Variants in PIEZO2 observed in about 807,000 individuals in gnomAD.
PIEZO2 encodes the protein piezo type mechanosensitive ion channel component 2.
Under a neutral mutation model 337.3 loss-of-function variants are expected in PIEZO2, and 172 were observed. That is an observed-to-expected ratio of 0.51 (90% CI 0.45 to 0.58). The LOEUF (loss-of-function observed/expected upper bound fraction) is 0.58. Ranked by LOEUF, PIEZO2 falls within the 20% of genes least tolerant of loss-of-function variation. The pLI is 0.00. For missense variants in PIEZO2, 3,028 were observed against 3,391.3 expected, an observed-to-expected ratio of 0.89 and a Z score of 2.66; for synonymous variants, 1,251 against 1,228.5, an observed-to-expected ratio of 1.02 and a Z score of -0.38.
intron 5 of PIEZO2, among the ~76,000 whole-genome samples, chr18:10,860,866 T>C (rs80173140): frequency 0.013 from 1,998 of 152,336 alleles, 48 homozygotes; most frequent in African/African-American, 0.045. Context: ...TGGGCCTTTG[T>C]GATTTTTATA....
chr18:10,675,939 C>T (rs898197108), intron 53 of PIEZO2, among the ~76,000 whole-genome samples: 1 of 152,194 alleles, frequency 6.6e-6, no homozygotes, highest in African/African-American at 2.4e-5. Flanking sequence ...CGCCTTCCAC[C>T]ATGATTGTGA....
rs28409092 is a variant in PIEZO2, at chr18:10,945,084, G to A, written c.287-33856C>T. 7.1e-3 allele frequency among the ~76,000 whole-genome samples: 1,085 copies of A among 152,282 alleles called. 14 individuals are homozygous for A. The highest frequency in any genetic ancestry group is 0.025 in the African/African-American group (1,019 of 41,560). ...GTATTAGAGAATAGATTGCAGCACA[G>A]AAGAAGGGCCCCGGAGATCTGTGAA... On this transcript the variant is annotated intron_variant, in intron 3 of 55. Coordinates refer to ENST00000674853, the MANE Select transcript of PIEZO2 (RefSeq NM_001378183.1). This position sits in a 1 kb window ranked among gnomAD's most constrained non-coding sequence, Gnocchi z 4.0.
intron 7 of PIEZO2, among the ~76,000 whole-genome samples, chr18:10,811,983 G>T (rs181320304): frequency 3.3e-5 from 5 of 152,154 alleles, no homozygotes. Context: ...ACAGGCGCCC[G>T]CCACCACGCC....
At chr18:11,133,275 G>C (rs544962264) in intron 1 of PIEZO2, among the ~76,000 whole-genome samples, 1 of 152,256 alleles carries the variant, frequency 6.6e-6, no homozygotes, top group Admixed American at 6.5e-5. Context: ...TTGGGTTGGG[G>C]ATTGGCACGT....
At position 10,715,296 on chromosome 18, in the gene PIEZO2, A is replaced by G. The variant is rs530975952; in HGVS notation, c.5256+354T>C. On this transcript the variant is annotated intron_variant, in intron 38 of 55. Coordinates refer to ENST00000674853, the MANE Select transcript of PIEZO2 (RefSeq NM_001378183.1). ...TTCCAGACTTCAGTGATCAGGTGGG[A>G]GAAAACAAACACCACTTTCTACACT... Among the ~76,000 whole-genome samples the G allele has an allele frequency of 3.1e-3, 472 of 151,394 alleles. 2 individuals are homozygous for G. Among genetic ancestry groups the G allele is most frequent in the African/African-American group, 0.011 (453 of 41,456 alleles).
chr18:10,796,698 G>T (rs1372731585), intron 12 of PIEZO2, among the ~76,000 whole-genome samples: 32 of 152,298 alleles, frequency 2.1e-4, no homozygotes, highest in Non-Finnish European at 1.5e-5. Flanking sequence ...AAGGCATTAG[G>T]GGGATCCCTA....
chr18:10,725,157 C>T (rs1406270243), intron 36 of PIEZO2: 38 of 1,476,736 alleles, frequency 2.6e-5, no homozygotes, highest in East Asian at 4.5e-5. Flanking sequence ...TGAAGTACTG[C>T]GAGGCCTCTG....
intron 4 of PIEZO2, among the ~76,000 whole-genome samples, chr18:10,909,636 A>G (rs1395407457): frequency 1.3e-5 from 2 of 152,234 alleles, no homozygotes; most frequent in Non-Finnish European, 2.9e-5. Flanking sequence ...GCCAAAATAA[A>G]TAACGTAAGT....
At chr18:10,977,140 T>G (rs2034476120) in intron 3 of PIEZO2, among the ~76,000 whole-genome samples, 1 of 151,976 alleles carries the variant, frequency 6.6e-6, no homozygotes, top group Non-Finnish European at 1.5e-5. Flanking sequence ...CATATCATAT[T>G]TTTATTTTGA....
At chr18:10,879,142 A>T (rs1010975789) in intron 4 of PIEZO2, among the ~76,000 whole-genome samples, 3 of 152,236 alleles carry the variant, frequency 2.0e-5, no homozygotes, top group African/African-American at 7.2e-5. Context: ...AGTATACACT[A>T]CAGGGCATTT....
Position 10,855,084 on chromosome 18 carries a change from T to A in PIEZO2, c.917+269A>T, listed in dbSNP as rs955720093. Reference sequence around the variant, plus strand: ...CCTGATCTTCTTCCCCAGCTGAGACTCTGTGTCTTATTCCTACACATGACA... The same window carrying A: ...CCTGATCTTCTTCCCCAGCTGAGACACTGTGTCTTATTCCTACACATGACA... On this transcript the variant is annotated intron_variant, in intron 7 of 55. Transcript: ENST00000674853. This position sits in a 1 kb window ranked among gnomAD's most constrained non-coding sequence, Gnocchi z 4.9. Among the ~76,000 whole-genome samples, 8 of 152,172 alleles carry A rather than the reference T, an allele frequency of 5.3e-5. No individual in the cohort carries two copies. The highest frequency in any genetic ancestry group is 1.9e-4 in the African/African-American group (8 of 41,434).
intron 3 of PIEZO2, among the ~76,000 whole-genome samples, chr18:10,934,084 G>T (rs112413627): frequency 4.6e-5 from 7 of 152,372 alleles, no homozygotes; most frequent in African/African-American, 1.7e-4. Flanking sequence ...CAGATGGCAT[G>T]ATGCCGCTAT....
At chr18:10,956,236 A>G (rs1191598392) in intron 3 of PIEZO2, among the ~76,000 whole-genome samples, 4 of 152,218 alleles carry the variant, frequency 2.6e-5, no homozygotes, top group African/African-American at 4.8e-5. Flanking sequence ...AGTAGTTTCT[A>G]TGTATTAACA....
chr18:11,040,335 T>G (rs887403095), intron 2 of PIEZO2, among the ~76,000 whole-genome samples: 1 of 152,224 alleles, frequency 6.6e-6, no homozygotes, highest in Non-Finnish European at 1.5e-5. Context: ...AGAGACATTA[T>G]TTTATTTATT....
chr18:11,073,435 A>G (rs2038416174), intron 1 of PIEZO2, among the ~76,000 whole-genome samples: 1 of 152,146 alleles, frequency 6.6e-6, no homozygotes, highest in South Asian at 2.1e-4. Flanking sequence ...GCTGTGCTAC[A>G]TGTGTCCTTC....
At position 11,110,475 on chromosome 18, in the gene PIEZO2, C is replaced by T. The variant is rs1349478388; in HGVS notation, c.64+38050G>A. Among the ~76,000 whole-genome samples the T allele has an allele frequency of 6.6e-6, 1 of 152,230 alleles. No individual in the cohort carries two copies. The highest frequency in any genetic ancestry group is 2.4e-5 in the African/African-American group (1 of 41,458). ...AACTCCTCACAAGTCCCGTGGGTCC[C>T]CATGTGACCTCAGTCCACCTGTTTA... On this transcript the variant is annotated intron_variant, in intron 1 of 55. Transcript: ENST00000674853. The surrounding 1 kb of genome is among the most constrained non-coding windows in gnomAD (Gnocchi z 4.2).
Position 11,146,858 on chromosome 18 carries a change from G to A in PIEZO2, c.64+1667C>T, listed in dbSNP as rs79128218. 0.013 allele frequency among the ~76,000 whole-genome samples: 1,954 copies of A among 152,266 alleles called. 47 individuals are homozygous for A. The highest frequency in any genetic ancestry group is 0.044 in the African/African-American group (1,824 of 41,560). ...TGGGGAAGAGGGTGTCCATCCTCCAGGAACAGTGGCGAGGAGGACGGTGGA... is the reference window on the plus strand; with the variant it reads ...TGGGGAAGAGGGTGTCCATCCTCCAAGAACAGTGGCGAGGAGGACGGTGGA... On this transcript the variant is annotated intron_variant, in intron 1 of 55. Coordinates refer to ENST00000674853, the MANE Select transcript of PIEZO2 (RefSeq NM_001378183.1). This position sits in a 1 kb window ranked among gnomAD's most constrained non-coding sequence, Gnocchi z 6.1.
In PIEZO2 at chr18:10,870,750, T is replaced by C. The variant is rs146780449; in HGVS notation, c.492+503A>G. Among the ~76,000 whole-genome samples the C allele has an allele frequency of 2.0e-5, 3 of 152,188 alleles. No homozygotes were observed. The highest frequency in any genetic ancestry group is 7.2e-5 in the African/African-American group (3 of 41,438). ...ACACTTTTCCAAATATGTATGTTTT[T>C]CCCCCTTGGAGTGCTTTAAAACAAC... On this transcript the variant is annotated intron_variant, in intron 5 of 55. Coordinates refer to ENST00000674853, the MANE Select transcript of PIEZO2 (RefSeq NM_001378183.1). The surrounding 1 kb of genome is among the most constrained non-coding windows in gnomAD (Gnocchi z 5.3).
intron 1 of PIEZO2, among the ~76,000 whole-genome samples, chr18:11,068,503 A>C (rs1459418262): frequency 6.6e-6 from 1 of 152,182 alleles, no homozygotes; most frequent in East Asian, 1.9e-4. Flanking sequence ...AATTGGACAC[A>C]CAAGATACCA....
Sources: gnomAD v4.1 joint callset for allele counts (sites outside exome capture counted in the v4.1 genomes callset) on GRCh38, gnomAD v4.1.1 for gene constraint, Gnocchi (gnomAD v3.1) non-coding constraint, MANE v1.5 for transcripts, NCBI Gene and HGNC (gene_info 2026-07-23, HGNC 2026-07-21) for gene names.